Variants in GRIA3 observed in about 807,000 individuals in gnomAD.
The protein encoded by GRIA3 is glutamate receptor 3.
A neutral mutation model predicts 63.0 loss-of-function variants in GRIA3; 3 were observed. That is an observed-to-expected ratio of 0.05 (90% CI 0.02 to 0.12). GRIA3 has a LOEUF of 0.12. Ranked by LOEUF, GRIA3 falls within the 10% of genes least tolerant of loss-of-function variation. The probability of loss-of-function intolerance (pLI) is 1.00; values close to 1 mark genes in which losing one functional copy is unlikely to be tolerated. For synonymous variants in GRIA3, 274 were observed against 257.9 expected (o/e 1.06, Z -0.60); for missense variants, 347 against 700.9 (o/e 0.50, Z 5.70).
intron 10 of GRIA3, among the ~76,000 whole-genome samples, chrX:123,406,479 C>T (rs1244661058): frequency 9.0e-6 from 1 of 111,269 alleles, no homozygotes; most frequent in Non-Finnish European, 1.9e-5. Flanking sequence ...TATGAGAGTA[C>T]TGGGGTCACT....
chrX:123,242,324 T>C (rs2044334377), intron 2 of GRIA3, among the ~76,000 whole-genome samples: 2 of 112,177 alleles, frequency 1.8e-5, no homozygotes, highest in Admixed American at 1.9e-4. Context: ...GGCTTTCAAA[T>C]ACTATATGAT....
intron 5 of GRIA3, among the ~76,000 whole-genome samples, chrX:123,387,908 T>C (rs1448165918): frequency 8.9e-6 from 1 of 111,941 alleles, no homozygotes; most frequent in East Asian, 2.8e-4. Flanking sequence ...GTTGCATCCT[T>C]GTCTGGTTTT....
chrX:123,468,348 C>T (rs954321618), intron 13 of GRIA3, among the ~76,000 whole-genome samples: 2 of 111,133 alleles, frequency 1.8e-5, no homozygotes, highest in African/African-American at 6.5e-5. Context: ...TAATTTGAAG[C>T]CCTCTAATTA....
At chrX:123,209,792 G>A (rs914275379) in intron 2 of GRIA3, among the ~76,000 whole-genome samples, 2 of 111,162 alleles carry the variant, frequency 1.8e-5, no homozygotes, top group Non-Finnish European at 3.8e-5. Flanking sequence ...TTAACAAATG[G>A]GATGGTAAGG....
At chrX:123,384,342 C>T (rs1040924908) in intron 5 of GRIA3, among the ~76,000 whole-genome samples, 7 of 112,456 alleles carry the variant, frequency 6.2e-5, no homozygotes, top group Admixed American at 5.6e-4. Context: ...GTTCCCTTTT[C>T]GGCCAGGCGT....
At chrX:123,420,825 T>A (rs973692262) in intron 11 of GRIA3, among the ~76,000 whole-genome samples, 5 of 111,588 alleles carry the variant, frequency 4.5e-5, no homozygotes, top group African/African-American at 1.6e-4. Flanking sequence ...TGGCTCTTCT[T>A]TGGCACTGAG....
chrX:123,266,397 G>A (rs959423385), intron 3 of GRIA3, among the ~76,000 whole-genome samples: 2 of 111,273 alleles, frequency 1.8e-5, no homozygotes, highest in African/African-American at 6.5e-5. Context: ...CCCACACTCA[G>A]TGAATGGCAC....
intron 4 of GRIA3, among the ~76,000 whole-genome samples, chrX:123,352,085 A>ATTTTT (rs58791604): frequency 9.8e-6 from 1 of 102,213 alleles, no homozygotes; most frequent in Non-Finnish European, 2.0e-5. Flanking sequence ...CATTTCAAAC[A>ATTTTT]TTTTTTTTTT....
chrX:123,268,711 T>C (rs1465383748), intron 3 of GRIA3, among the ~76,000 whole-genome samples: 8 of 111,264 alleles, frequency 7.2e-5, no homozygotes, highest in African/African-American at 1.3e-4. Context: ...TTGGCCCATA[T>C]TTTGTCAAGT....
chrX:123,231,933 C>T (rs1202901811), intron 2 of GRIA3, among the ~76,000 whole-genome samples: 1 of 111,833 alleles, frequency 8.9e-6, no homozygotes, highest in East Asian at 2.8e-4. Flanking sequence ...TAAATCACTT[C>T]ACTGATTAAA....
intron 2 of GRIA3, among the ~76,000 whole-genome samples, chrX:123,223,030 GCAC>G (rs763463567): frequency 3.6e-5 from 4 of 112,291 alleles, no homozygotes; most frequent in African/African-American, 1.3e-4. Context: ...AGCTCCCCTG[GCAC>G]CACGATGTGT....
intron 15 of GRIA3, among the ~76,000 whole-genome samples, chrX:123,486,372 C>T (rs2045941941): frequency 8.9e-6 from 1 of 111,748 alleles, no homozygotes; most frequent in Non-Finnish European, 1.9e-5. Flanking sequence ...AAAATTCAGG[C>T]TACTTGAGGC....
chrX:123,402,808 G>C (rs751712516), intron 7 of GRIA3, among the ~76,000 whole-genome samples, 186 bp from the exon 8 acceptor site: 1 of 111,270 alleles, frequency 9.0e-6, no homozygotes, highest in Non-Finnish European at 1.9e-5. Flanking sequence ...AAACTAAAAG[G>C]CATGCCAAGA....
At chrX:123,415,050 C>T (rs1026304958) in intron 10 of GRIA3, among the ~76,000 whole-genome samples, 6 of 112,216 alleles carry the variant, frequency 5.3e-5, no homozygotes, top group Admixed American at 2.8e-4. Context: ...AGTGTAAAAG[C>T]GTTCCTATTT....
intron 12 of GRIA3, among the ~76,000 whole-genome samples, chrX:123,458,997 T>C (rs2045778427): frequency 8.9e-6 from 1 of 111,993 alleles, no homozygotes; most frequent in Non-Finnish European, 1.9e-5. Flanking sequence ...AAATAAATTC[T>C]GTCAGTAAAA....
At chrX:123,219,726 T>C (rs1262274799) in intron 2 of GRIA3, among the ~76,000 whole-genome samples, 2 of 112,073 alleles carry the variant, frequency 1.8e-5, no homozygotes, top group African/African-American at 6.5e-5. Flanking sequence ...GCAAAGGGCC[T>C]CCGGGTCCTT....
chrX:123,486,656 G>T, intron 15 of GRIA3, among the ~76,000 whole-genome samples: 1 of 111,927 alleles, frequency 8.9e-6, no homozygotes, highest in Non-Finnish European at 1.9e-5. Flanking sequence ...GGGGAATGTT[G>T]GTTAAGTGAA....
chrX:123,484,777 C>T (rs1330316218), intron 15 of GRIA3, among the ~76,000 whole-genome samples: 1 of 112,801 alleles, frequency 8.9e-6, no homozygotes, highest in Admixed American at 9.3e-5. Context: ...GCCACCATGC[C>T]CGGCTGCATT....
chrX:123,227,781 T>C (rs1405669096), intron 2 of GRIA3, among the ~76,000 whole-genome samples: 2 of 112,442 alleles, frequency 1.8e-5, no homozygotes, highest in Admixed American at 1.9e-4. Context: ...TTGAGTTGAA[T>C]AGTTCAAGTA....
Sources: gnomAD v4.1 joint callset for allele counts (sites outside exome capture counted in the v4.1 genomes callset) on GRCh38, gnomAD v4.1.1 for gene constraint, MANE v1.5 for transcripts, NCBI Gene and HGNC (gene_info 2026-07-23, HGNC 2026-07-21) for gene names.